The following HCN1 variants were observed in gnomAD, a reference collection of about 807,000 sequenced individuals.
HCN1 encodes the protein potassium/sodium hyperpolarization-activated cyclic nucleotide-gated channel 1.
In HCN1, 13 loss-of-function variants were observed where a neutral mutation model predicts 78.9. The ratio of observed to expected loss-of-function variants is 0.16; its 90% confidence interval spans 0.11 to 0.26. The LOEUF is 0.26. HCN1 is among the 10% of genes least tolerant of loss of function. HCN1 has a pLI of 1.00. For missense variants in HCN1, 810 were observed against 1,154.3 expected (o/e 0.70, Z 4.32); for synonymous variants, 552 against 455.5 (o/e 1.21, Z -2.70).
At chr5:45,405,678 G>T (rs1371848002) in intron 3 of HCN1, among the ~76,000 whole-genome samples, 1 of 152,134 alleles carries the variant, frequency 6.6e-6, no homozygotes, top group African/African-American at 2.4e-5. Context: ...AAAGTGCTGG[G>T]ATTATAGGCA....
At chr5:45,500,509 A>G (rs1269730169) in intron 2 of HCN1, among the ~76,000 whole-genome samples, 1 of 152,200 alleles carries the variant, frequency 6.6e-6, no homozygotes, top group African/African-American at 2.4e-5. Flanking sequence ...ACATATGGGT[A>G]AAGGACTTTT....
chr5:45,520,589 C>A (rs569896398), intron 2 of HCN1, among the ~76,000 whole-genome samples: 18 of 152,058 alleles, frequency 1.2e-4, no homozygotes, highest in South Asian at 2.1e-4. Context: ...TTTTGAATTT[C>A]TTTACATATT....
At chr5:45,407,173 C>G (rs570727734) in intron 3 of HCN1, among the ~76,000 whole-genome samples, 1 of 151,962 alleles carries the variant, frequency 6.6e-6, no homozygotes, top group Non-Finnish European at 1.5e-5. Flanking sequence ...AATGATGGAC[C>G]GTACATTCAG....
At chr5:45,323,275 A>C (rs924782647) in intron 5 of HCN1, among the ~76,000 whole-genome samples, 1 of 151,844 alleles carries the variant, frequency 6.6e-6, no homozygotes, top group Non-Finnish European at 1.5e-5. Flanking sequence ...TGATGTTCTT[A>C]TATTGATTGT....
At chr5:45,650,497 A>G (rs1210417758) in intron 1 of HCN1, among the ~76,000 whole-genome samples, 6 of 152,052 alleles carry the variant, frequency 3.9e-5, no homozygotes, top group Admixed American at 1.3e-4. Flanking sequence ...AAATACCAGC[A>G]AAGCAGAGAG....
intron 2 of HCN1, among the ~76,000 whole-genome samples, chr5:45,485,564 G>C (rs924859027): frequency 6.6e-6 from 1 of 152,066 alleles, no homozygotes; most frequent in African/African-American, 2.4e-5. Flanking sequence ...TTACGCAGAA[G>C]GGAAATACTC....
intron 2 of HCN1, among the ~76,000 whole-genome samples, chr5:45,501,607 A>C (rs1742188896): frequency 6.6e-6 from 1 of 151,810 alleles, no homozygotes; most frequent in Non-Finnish European, 1.5e-5. Flanking sequence ...CGCCCGGTTA[A>C]TTTTTGTACT....
chr5:45,384,120 G>A (rs1213789900), intron 4 of HCN1, among the ~76,000 whole-genome samples: 1 of 152,058 alleles, frequency 6.6e-6, no homozygotes, highest in East Asian at 1.9e-4. Context: ...GTTTGCTGGG[G>A]GAATTCTAAT....
rs564101120 is a variant in HCN1 at position 45,349,820 on chromosome 5, C to T, written c.1377+3280G>A. 1.3e-3 allele frequency among the ~76,000 whole-genome samples: 205 copies of T among 152,040 alleles called. 2 individuals are homozygous for T. Among genetic ancestry groups the T allele is most frequent in the African/African-American group, 4.8e-3 (199 of 41,440 alleles). On this transcript the variant is annotated intron_variant, in intron 5 of 7. Coordinates refer to ENST00000303230, the MANE Select transcript of HCN1 (RefSeq NM_021072.4). ...ACACATACACCCTCCCAAGACTAAA[C>T]CAGGAAGAAGTTGAATCTCTGAATA... is the stretch of plus-strand genomic sequence containing the variant.
intron 2 of HCN1, among the ~76,000 whole-genome samples, chr5:45,586,554 C>G (rs530413743): frequency 6.6e-6 from 1 of 152,234 alleles, no homozygotes; most frequent in South Asian, 2.1e-4. Flanking sequence ...CTGACACTCC[C>G]CAGTAAGATG....
intron 6 of HCN1, among the ~76,000 whole-genome samples, chr5:45,287,639 G>A (rs1395466562): frequency 6.6e-6 from 1 of 151,980 alleles, no homozygotes. Flanking sequence ...AATTTTCAAA[G>A]TTGAGGTTAT....
At chr5:45,503,399 A>G (rs1242167393) in intron 2 of HCN1, among the ~76,000 whole-genome samples, 2 of 152,212 alleles carry the variant, frequency 1.3e-5, no homozygotes, top group African/African-American at 2.4e-5. Flanking sequence ...GAAGAGAAAA[A>G]GAAAGAAACA....
chr5:45,503,709 T>C (rs1164898714), intron 2 of HCN1, among the ~76,000 whole-genome samples: 1 of 152,160 alleles, frequency 6.6e-6, no homozygotes. Flanking sequence ...TGAGTTTTTA[T>C]ATGGATGAAA....
At chr5:45,391,189 G>T (rs2060312976) in intron 4 of HCN1, among the ~76,000 whole-genome samples, 1 of 152,144 alleles carries the variant, frequency 6.6e-6, no homozygotes, top group South Asian at 2.1e-4. Flanking sequence ...CAAGTGAAAT[G>T]CTTGATTGAA....
At chr5:45,370,611 T>C (rs151237942) in intron 4 of HCN1, among the ~76,000 whole-genome samples, 1 of 152,094 alleles carries the variant, frequency 6.6e-6, no homozygotes, top group African/African-American at 2.4e-5. Flanking sequence ...AAAGTTTTTA[T>C]ATAATTATAA....
chr5:45,573,692 A>G (rs1383679222), intron 2 of HCN1, among the ~76,000 whole-genome samples: 1 of 152,028 alleles, frequency 6.6e-6, no homozygotes, highest in Non-Finnish European at 1.5e-5. Context: ...AAAAAAATCT[A>G]TGAGGGTTGA....
chr5:45,689,368 T>C (rs912697817), intron 1 of HCN1, among the ~76,000 whole-genome samples: 1 of 152,064 alleles, frequency 6.6e-6, no homozygotes, highest in Non-Finnish European at 1.5e-5. Flanking sequence ...TTTTACAACA[T>C]TGGGAATGTA....
chr5:45,278,366 C>T (rs768039235), intron 6 of HCN1, among the ~76,000 whole-genome samples: 21 of 151,930 alleles, frequency 1.4e-4, no homozygotes, highest in Admixed American at 2.6e-4. Context: ...TCATAGAGGA[C>T]GACTGGGAAT....
rs200896377 is a variant in HCN1, at chr5:45,496,320, T to C, written c.850-34313A>G. On this transcript the variant is annotated intron_variant, in intron 2 of 7. Coordinates refer to ENST00000303230, the MANE Select transcript of HCN1 (RefSeq NM_021072.4). ...TTCAGAGATTCAACTTCTTCCTGGT[T>C]TAGTCTTGGGAGAGTGTATGTGTCG... Among the ~76,000 whole-genome samples, 57 of 151,934 alleles carry C rather than the reference T, an allele frequency of 3.8e-4. 1 individual carries two copies. The East Asian group carries it at 0.01, about 28-fold the overall frequency.
Sources: gnomAD v4.1 joint callset for allele counts (sites outside exome capture counted in the v4.1 genomes callset) on GRCh38, gnomAD v4.1.1 for gene constraint, MANE v1.5 for transcripts, NCBI Gene and HGNC (gene_info 2026-07-23, HGNC 2026-07-21) for gene names.